Variants in NRG1 observed in about 807,000 individuals in gnomAD.
The protein encoded by NRG1 is pro-neuregulin-1, membrane-bound isoform.
A neutral mutation model predicts 63.8 loss-of-function variants in NRG1; 18 were observed. The observed-to-expected ratio is 0.28, with a 90% CI of 0.19 to 0.42. The LOEUF (loss-of-function observed/expected upper bound fraction) is 0.42. Ranked by LOEUF, NRG1 falls within the 10% of genes least tolerant of loss-of-function variation. The pLI is 1.00. For synonymous variants in NRG1, 302 were observed against 301.3 expected, an observed-to-expected ratio of 1.00 and a Z score of -0.02; for missense variants, 762 against 814.7, an observed-to-expected ratio of 0.94 and a Z score of 0.79.
chr8:31,692,987 A>G (rs1809683034), intron 1 of NRG1, among the ~76,000 whole-genome samples: 1 of 152,212 alleles, frequency 6.6e-6, no homozygotes, highest in African/African-American at 2.4e-5. Context: ...CATATTTAAC[A>G]TCAGGGAAGT....
intron 5 of NRG1, among the ~76,000 whole-genome samples, chr8:32,698,223 A>G (rs1813876278): frequency 6.6e-6 from 1 of 152,028 alleles, no homozygotes; most frequent in Non-Finnish European, 1.5e-5. Flanking sequence ...AAAATATATG[A>G]AAAGGTAACA....
intron 1 of NRG1, among the ~76,000 whole-genome samples, chr8:32,277,057 T>C (rs1852183477): frequency 6.6e-6 from 1 of 152,214 alleles, no homozygotes; most frequent in Admixed American, 6.5e-5. Context: ...AGGAAGCTCA[T>C]CTGCCTCATT....
At chr8:31,687,125 A>T (rs1563292602) in intron 1 of NRG1, among the ~76,000 whole-genome samples, 1 of 152,174 alleles carries the variant, frequency 6.6e-6, no homozygotes, top group Non-Finnish European at 1.5e-5. Context: ...CCTTGTTGTT[A>T]GAAGAGAATA....
exon 12 of NRG1, chr8:32,764,397 G>A (rs967837879): frequency 2.6e-6 from 4 of 1,555,388 alleles, no homozygotes; most frequent in East Asian, 2.3e-5. Flanking sequence ...CCCTATTGCT[G>A]TATAAAACCT....
intron 1 of NRG1, among the ~76,000 whole-genome samples, chr8:32,460,882 A>G (rs1036455584): frequency 2.0e-5 from 3 of 152,214 alleles, no homozygotes; most frequent in Admixed American, 2.0e-4. Flanking sequence ...TCCACAGAAG[A>G]AAAACACACA....
intron 1 of NRG1, among the ~76,000 whole-genome samples, chr8:32,143,159 G>A (rs1279652488): frequency 6.6e-6 from 1 of 152,116 alleles, no homozygotes; most frequent in Admixed American, 6.5e-5. Context: ...GGATCCATGT[G>A]ACTTGCCTGC....
chr8:32,767,189 A>C (rs1255104140), exon 12 of NRG1: 3 of 152,144 alleles, frequency 2.0e-5, no homozygotes, highest in Non-Finnish European at 4.4e-5. Flanking sequence ...ACAGCATTCT[A>C]GTTTCTACAA....
At chr8:32,724,290 G>A (rs957504408) in intron 5 of NRG1, among the ~76,000 whole-genome samples, 7 of 152,200 alleles carry the variant, frequency 4.6e-5, no homozygotes, top group African/African-American at 1.7e-4. Flanking sequence ...ACAAGGTTTA[G>A]TGAGATCCAG....
At chr8:32,400,879 A>G (rs531899235) in intron 1 of NRG1, among the ~76,000 whole-genome samples, 12 of 152,370 alleles carry the variant, frequency 7.9e-5, no homozygotes, top group African/African-American at 2.9e-4. Flanking sequence ...TAGCAAAGAT[A>G]TGGAATCAGC....
At chr8:31,755,171 A>G (rs1177681361) in intron 1 of NRG1, among the ~76,000 whole-genome samples, 6 of 152,046 alleles carry the variant, frequency 3.9e-5, no homozygotes, top group Non-Finnish European at 5.9e-5. Flanking sequence ...TTTCCTCCAG[A>G]GGCTGCACAG....
intron 1 of NRG1, among the ~76,000 whole-genome samples, chr8:32,205,119 A>G (rs1843898835): frequency 6.6e-6 from 1 of 152,218 alleles, no homozygotes; most frequent in Non-Finnish European, 1.5e-5. Context: ...TAAATGGCTT[A>G]GAGGCTTAGA....
In NRG1 at chr8:32,421,842, A is replaced by C. The variant is rs376255646; in HGVS notation, c.38-173986A>C. On this transcript the variant is annotated intron_variant, in intron 1 of 10. Coordinates refer to the NRG1 transcript ENST00000519301. ...TTTATTATTTTTTCTGATAATAAAG[A>C]TTAATGCAGATACATGAAAAAAACA... Among the ~76,000 whole-genome samples the C allele has an allele frequency of 6.6e-5, 10 of 152,358 alleles. 1 individual carries two copies. The highest frequency in any genetic ancestry group is 2.4e-4 in the African/African-American group (10 of 41,590).
chr8:32,601,330 C>A (rs1206919506), intron 2 of NRG1, among the ~76,000 whole-genome samples: 3 of 152,154 alleles, frequency 2.0e-5, no homozygotes, highest in Non-Finnish European at 4.4e-5. Flanking sequence ...GTTGAAACCA[C>A]TGATCTAATT....
At chr8:32,743,596 A>AT (rs58229077) in intron 7 of NRG1, among the ~76,000 whole-genome samples, 6,922 of 143,536 alleles carry the variant, frequency 0.048, 268 homozygotes, top group Middle Eastern at 0.08. Flanking sequence ...ATATATATAT[A>AT]AAACTTAATA....
At chr8:31,952,349 C>A (rs933524833) in intron 1 of NRG1, among the ~76,000 whole-genome samples, 3 of 152,110 alleles carry the variant, frequency 2.0e-5, no homozygotes, top group African/African-American at 7.2e-5. Flanking sequence ...GAGAATTGAA[C>A]AGAGGAAATG....
At chr8:32,295,860 C>T (rs1854782737) in intron 1 of NRG1, among the ~76,000 whole-genome samples, 1 of 150,668 alleles carries the variant, frequency 6.6e-6, no homozygotes, top group Admixed American at 6.6e-5. Flanking sequence ...TTGCTTGAAC[C>T]CGGGAGGCGG....
intron 1 of NRG1, among the ~76,000 whole-genome samples, chr8:32,533,134 T>A (rs1335335129): frequency 6.6e-6 from 1 of 152,010 alleles, no homozygotes; most frequent in African/African-American, 2.4e-5. Context: ...CATGTTTTCC[T>A]GTGTATATAT....
intron 1 of NRG1, among the ~76,000 whole-genome samples, chr8:32,040,326 A>G (rs889282416): frequency 6.6e-6 from 1 of 152,190 alleles, no homozygotes; most frequent in Non-Finnish European, 1.5e-5. Context: ...CAAGGAATTG[A>G]TTAATCTGAA....
rs143852124 is a variant in NRG1, at chr8:32,034,380, A to G, written c.37+394949A>G. On this transcript the variant is annotated intron_variant, in intron 1 of 10. Coordinates refer to the NRG1 transcript ENST00000519301. ...TATTTTATTGAAAATTTTTGCATCA[A>G]TGTTCATCAGGGTTATTGGCCTGAA... 7.6e-3 allele frequency among the ~76,000 whole-genome samples: 1,155 copies of G among 152,258 alleles called. 17 individuals carry two copies. The highest frequency in any genetic ancestry group is 0.027 in the African/African-American group (1,103 of 41,542).
Sources: gnomAD v4.1 joint callset for allele counts (sites outside exome capture counted in the v4.1 genomes callset) on GRCh38, gnomAD v4.1.1 for gene constraint, MANE v1.5 for transcripts, NCBI Gene and HGNC (gene_info 2026-07-23, HGNC 2026-07-21) for gene names.